The following ADAM22 variants were observed in gnomAD, a reference collection of about 807,000 sequenced individuals.
ADAM22 encodes disintegrin and metalloproteinase domain-containing protein 22.
ADAM22 carries 65 observed loss-of-function variants against 144.6 expected under a neutral mutation model. The observed-to-expected ratio is 0.45, with a 90% CI of 0.37 to 0.55. The LOEUF (loss-of-function observed/expected upper bound fraction) is 0.55, where lower values mean the gene tolerates loss of function less well. Among genes scored for constraint, ADAM22 ranks in the 20% least tolerant of loss-of-function variants. ADAM22 has a pLI of 0.00. For missense variants in ADAM22, 974 were observed against 1,184.9 expected, an observed-to-expected ratio of 0.82 and a Z score of 2.61; for synonymous variants, 391 against 412.6, an observed-to-expected ratio of 0.95 and a Z score of 0.63.
chr7:87,976,419 G>A (rs534793892), intron 2 of ADAM22, among the ~76,000 whole-genome samples: 1 of 152,264 alleles, frequency 6.6e-6, no homozygotes, highest in East Asian at 1.9e-4. Context: ...CAAAGAAAAG[G>A]CTATGTGAGG....
chr7:87,978,501 C>A, intron 3 of ADAM22, 89 bp downstream of exon 3: 1 of 1,071,350 alleles, frequency 9.3e-7, no homozygotes, highest in Non-Finnish European at 1.4e-6. Flanking sequence ...CTATATTTTA[C>A]TTTGTCTTCC....
intron 3 of ADAM22, among the ~76,000 whole-genome samples, chr7:88,038,076 C>T (rs1166852946): frequency 6.6e-6 from 1 of 152,152 alleles, no homozygotes; most frequent in Non-Finnish European, 1.5e-5. Context: ...AACCAGACAA[C>T]ATCTTGTAAT....
chr7:88,061,258 G>A (rs576522325), intron 3 of ADAM22, among the ~76,000 whole-genome samples: 1 of 152,214 alleles, frequency 6.6e-6, no homozygotes, highest in East Asian at 1.9e-4. Context: ...AACCATCCAT[G>A]ATGGTCAAAA....
Position 88,081,069 on chromosome 7 carries a change from A to T in ADAM22, c.390+5377A>T, listed in dbSNP as rs377335490. Among the ~76,000 whole-genome samples, 30 of 152,370 alleles carry T rather than the reference A, an allele frequency of 2.0e-4. No homozygotes were observed. In the East Asian group the frequency reaches 4.0e-3, roughly 21 times the overall value. On this transcript the variant is annotated intron_variant, in intron 4 of 31. Transcript: ENST00000413139. ...GAATTTTAGATCAATAACCTTGACGAACATTGATGCAAAAATCCTCAATAA... is the reference window on the plus strand; with the variant it reads ...GAATTTTAGATCAATAACCTTGACGTACATTGATGCAAAAATCCTCAATAA...
intron 3 of ADAM22, among the ~76,000 whole-genome samples, chr7:88,047,925 A>G (rs1805112234): frequency 6.6e-6 from 1 of 152,150 alleles, no homozygotes; most frequent in Non-Finnish European, 1.5e-5. Context: ...AAAGTGAAAT[A>G]CATTTTTTAA....
At chr7:88,168,830 G>A (rs1444554145) in intron 25 of ADAM22, among the ~76,000 whole-genome samples, 1 of 151,898 alleles carries the variant, frequency 6.6e-6, no homozygotes, top group Admixed American at 6.6e-5. Flanking sequence ...CACAGGCCTG[G>A]GGTTTTTCTC....
At chr7:88,048,020 A>C (rs1805143939) in intron 3 of ADAM22, among the ~76,000 whole-genome samples, 1 of 152,142 alleles carries the variant, frequency 6.6e-6, no homozygotes, top group African/African-American at 2.4e-5. Flanking sequence ...TGCCACTGGA[A>C]TACCTCTCTG....
chr7:88,154,523 A>C (rs531687760), intron 21 of ADAM22, among the ~76,000 whole-genome samples: 6 of 152,312 alleles, frequency 3.9e-5, no homozygotes, highest in Non-Finnish European at 7.4e-5. Flanking sequence ...GAAATAAATT[A>C]TCTCTCTCTT....
rs1289754804 is a variant in ADAM22 at position 88,168,185 on chromosome 7, T to G, written c.2240T>G (p.Leu747Ter). 2 of 1,613,286 alleles carry G rather than the reference T, an allele frequency of 1.2e-6. No homozygotes were observed. Among genetic ancestry groups the G allele is most frequent in the Non-Finnish European group, 1.7e-6 (2 of 1,179,576 alleles). Residue 747 changes from leucine to a stop codon, truncating the protein, a stop_gained, in exon 25 of 32, where the codon TTA becomes TGA. Coordinates refer to ENST00000413139, the MANE Select transcript of ADAM22 (RefSeq NM_001324418.2). LOFTEE classifies it high-confidence loss of function. The part of the protein sequence containing the change: ...IIIGIIAGTI[L>*]VLALILGITA... ...ATAGGCATAATTGCTGGCACCATTT[T>G]AGTGCTGGCCCTCATATTAGGAATA...
intron 2 of ADAM22, chr7:87,964,761 C>G (rs1422365665): frequency 3.0e-6 from 1 of 328,128 alleles, no homozygotes; most frequent in African/African-American, 2.2e-5. Flanking sequence ...TGGATGGATT[C>G]TTTCAACCTT....
At chr7:87,952,220 A>G (rs1438905368) in intron 2 of ADAM22, among the ~76,000 whole-genome samples, 18 of 151,734 alleles carry the variant, frequency 1.2e-4, no homozygotes, top group East Asian at 3.9e-4. Flanking sequence ...GTCTTGTGCC[A>G]GTTTTCAAAG....
At position 88,093,707 on chromosome 7, in the gene ADAM22, C is replaced by T. The variant is rs12333621; in HGVS notation, c.391-14469C>T. 8.7e-3 allele frequency among the ~76,000 whole-genome samples: 1,318 copies of T among 151,972 alleles called. 23 individuals are homozygous for T. Among genetic ancestry groups the T allele is most frequent in the African/African-American group, 0.03 (1,256 of 41,416 alleles). On this transcript the variant is annotated intron_variant, in intron 4 of 31. Transcript: ENST00000413139. ...GACTACAGGTGCATGTCATCATGCCCGGCTAATTTTTGTATTTTTAGTGGA... is the reference window on the plus strand; with the variant it reads ...GACTACAGGTGCATGTCATCATGCCTGGCTAATTTTTGTATTTTTAGTGGA...
rs755768298 is a variant in ADAM22 at position 88,186,625 on chromosome 7, C to T, written c.2674C>T (p.Pro892Ser). 6.8e-6 allele frequency: 11 copies of T among 1,609,546 alleles called. No homozygotes were observed. The highest frequency in any genetic ancestry group is 1.7e-5 in the Admixed American group (1 of 59,928). ...CATTGCTTTCTGCAGGTATTTAAACCCATGGTTCAAAAGAGACTATAATGT... is the reference window on the plus strand; with the variant it reads ...CATTGCTTTCTGCAGGTATTTAAACTCATGGTTCAAAAGAGACTATAATGT... ...PRSNSTEYLN[P>S]WFKRDYNVAK... is the part of the protein sequence containing the mutation. Residue 892 changes from proline to serine, a missense_variant, in exon 30 of 32, where the codon CCA (proline) becomes TCA (serine). Coordinates refer to ENST00000413139, the MANE Select transcript of ADAM22 (RefSeq NM_001324418.2).
chr7:87,978,657 A>G (rs957507265), intron 3 of ADAM22, among the ~76,000 whole-genome samples: 12 of 152,354 alleles, frequency 7.9e-5, no homozygotes, highest in Non-Finnish European at 1.8e-4. Flanking sequence ...AGTTACCCCA[A>G]TATTTTTTGT....
intron 22 of ADAM22, among the ~76,000 whole-genome samples, chr7:88,161,848 C>T (rs1362641353): frequency 6.6e-6 from 1 of 151,992 alleles, no homozygotes. Flanking sequence ...AACATTTACA[C>T]ACCTTTGGTG....
At chr7:88,070,421 G>A (rs2282954) in intron 3 of ADAM22, among the ~76,000 whole-genome samples, 35,473 of 152,116 alleles carry the variant, frequency 0.23, 5,274 homozygotes, top group South Asian at 0.39. Context: ...ATAACAAAGC[G>A]TTTTAAAACT....
intron 3 of ADAM22, among the ~76,000 whole-genome samples, chr7:87,986,077 G>C (rs1788418470): frequency 6.6e-6 from 1 of 152,100 alleles, no homozygotes; most frequent in Non-Finnish European, 1.5e-5. Context: ...TTGATTTATA[G>C]TAAAACTCTA....
intron 3 of ADAM22, among the ~76,000 whole-genome samples, chr7:88,055,982 A>G (rs575285668): frequency 6.6e-6 from 1 of 152,178 alleles, no homozygotes; most frequent in Non-Finnish European, 1.5e-5. Context: ...CTGTGATACC[A>G]TTATTCATGT....
chr7:88,142,734 A>C (rs1213521559), intron 14 of ADAM22, among the ~76,000 whole-genome samples: 2 of 151,868 alleles, frequency 1.3e-5, no homozygotes, highest in Non-Finnish European at 2.9e-5. Context: ...GCTACTCGGG[A>C]GGCTGAGGCA....
Sources: gnomAD v4.1 joint callset for allele counts (sites outside exome capture counted in the v4.1 genomes callset) on GRCh38, gnomAD v4.1.1 for gene constraint, MANE v1.5 for transcripts, NCBI Gene and HGNC (gene_info 2026-07-23, HGNC 2026-07-21) for gene names.